Variants in ENPP1 observed in about 807,000 individuals in gnomAD.
ENPP1 encodes the protein ectonucleotide pyrophosphatase/phosphodiesterase 1, also known as ectonucleotide pyrophosphatase/phosphodiesterase family member 1.
ENPP1 carries 73 observed loss-of-function variants against 122.8 expected under a neutral mutation model. The ratio of observed to expected loss-of-function variants is 0.59; its 90% confidence interval spans 0.49 to 0.72. The LOEUF is 0.72. Among genes scored for constraint, ENPP1 ranks in the 30% least tolerant of loss-of-function variants. The probability of loss-of-function intolerance (pLI) is 0.00; values close to 1 mark genes in which losing one functional copy is unlikely to be tolerated. For synonymous variants in ENPP1, 367 were observed against 391.6 expected (o/e 0.94, Z 0.74); for missense variants, 978 against 1,128.1 (o/e 0.87, Z 1.91).
In ENPP1 at chr6:131,836,860, G is replaced by C. The variant is rs1207355042; in HGVS notation, c.241-10916G>C. Among the ~76,000 whole-genome samples, 6 of 152,304 alleles carry C rather than the reference G, an allele frequency of 3.9e-5. No homozygotes were observed. The East Asian group carries it at 1.2e-3, about 29-fold the overall frequency. On this transcript the variant is annotated intron_variant, in intron 1 of 24. Coordinates refer to ENST00000647893, the MANE Select transcript of ENPP1 (RefSeq NM_006208.3). ...GCGGTACTGGCATCCATAGGGCAGAGATTGTTTTTATCCATAGAAGCAGGA... is the reference window on the plus strand; with the variant it reads ...GCGGTACTGGCATCCATAGGGCAGACATTGTTTTTATCCATAGAAGCAGGA...
intron 7 of ENPP1, among the ~76,000 whole-genome samples, chr6:131,859,615 G>A (rs956561854): frequency 3.1e-5 from 1 of 31,868 alleles, no homozygotes; most frequent in African/African-American, 1.4e-4. Flanking sequence ...CGGATGGGGG[G>A]AATGTGGGAA....
chr6:131,882,051 A>AAAT (rs10695402), intron 20 of ENPP1, among the ~76,000 whole-genome samples: 52 of 150,480 alleles, frequency 3.5e-4, no homozygotes, highest in African/African-American at 1.2e-3. Context: ...ATAAATAAAT[A>AAAT]AATAAATATT....
chr6:131,839,431 T>C (rs1462039187), intron 1 of ENPP1, among the ~76,000 whole-genome samples: 1 of 152,126 alleles, frequency 6.6e-6, no homozygotes, highest in Non-Finnish European at 1.5e-5. Flanking sequence ...GCTTTGAGTA[T>C]TCAGGCAGAA....
At chr6:131,821,822 A>G (rs1183214855) in intron 1 of ENPP1, among the ~76,000 whole-genome samples, 1 of 152,238 alleles carries the variant, frequency 6.6e-6, no homozygotes, top group Non-Finnish European at 1.5e-5. Flanking sequence ...AATCAACAGT[A>G]TACTTGACAC....
intron 1 of ENPP1, among the ~76,000 whole-genome samples, chr6:131,832,174 G>GTTTT (rs372663986): frequency 6.9e-6 from 1 of 145,022 alleles, no homozygotes; most frequent in Non-Finnish European, 1.5e-5. Flanking sequence ...CTCTTGACTT[G>GTTTT]TTTTTTTTTT....
intron 6 of ENPP1, 49 bp from the exon 7 acceptor site, chr6:131,858,619 C>G: frequency 8.1e-7 from 1 of 1,238,152 alleles, no homozygotes; most frequent in Non-Finnish European, 1.2e-6. Context: ...ATGAGGTAAG[C>G]CAATTGTCAG....
At chr6:131,810,461 A>ACCCCC (rs1554275395) in intron 1 of ENPP1, among the ~76,000 whole-genome samples, 2 of 119,050 alleles carry the variant, frequency 1.7e-5, no homozygotes, top group African/African-American at 3.0e-5. Flanking sequence ...CCCCCCCCAA[A>ACCCCC]AACTTCCCCA....
intron 1 of ENPP1, among the ~76,000 whole-genome samples, chr6:131,845,646 A>T (rs757593164): frequency 3.3e-5 from 5 of 151,692 alleles, no homozygotes; most frequent in African/African-American, 4.8e-5. Context: ...TTTAGTAGAG[A>T]TGGGGTTTCA....
intron 24 of ENPP1, among the ~76,000 whole-genome samples, chr6:131,887,864 C>CTTT (rs576073873): frequency 9.6e-6 from 1 of 104,706 alleles, no homozygotes; most frequent in African/African-American, 4.0e-5. Flanking sequence ...CGTGCCTGGC[C>CTTT]TTTTTTTTTT....
At chr6:131,887,751 G>A (rs1473387733) in intron 24 of ENPP1, among the ~76,000 whole-genome samples, 32 of 132,418 alleles carry the variant, frequency 2.4e-4, no homozygotes, top group Non-Finnish European at 3.8e-4. Context: ...TTTTTTAGTA[G>A]AGATGGGGTT....
rs529251477 is a variant in ENPP1 at position 131,810,668 on chromosome 6, C to A, written c.240+2393C>A. On this transcript the variant is annotated intron_variant, in intron 1 of 24. Coordinates refer to ENST00000647893, the MANE Select transcript of ENPP1 (RefSeq NM_006208.3). Reference sequence around the variant, plus strand: ...AACCTGGGGTTGGGATTAGGAGAGGCCCAGCACTATGATCCTCAGCTACAC... The same window carrying A: ...AACCTGGGGTTGGGATTAGGAGAGGACCAGCACTATGATCCTCAGCTACAC... 5.9e-5 allele frequency among the ~76,000 whole-genome samples: 9 copies of A among 152,316 alleles called. No homozygotes were observed. In the South Asian group the frequency reaches 1.9e-3, roughly 32 times the overall value.
At position 131,864,509 on chromosome 6, in the gene ENPP1, A is replaced by T. The variant is rs768309867; in HGVS notation, c.1029A>T (p.Ser343=). Reference sequence around the variant, plus strand: ...TTTTGTTTGTTCTTCATTTTAGTTCAGTACCATTTGAAGAAAGGATTTTAG... The same window carrying T: ...TTTTGTTTGTTCTTCATTTTAGTTCTGTACCATTTGAAGAAAGGATTTTAG... The part of the protein sequence containing the change: ...FPDIYKMYNG[S]VPFEERILAV... The change falls in exon 10 of 25, where the codon TCA becomes TCT. Residue 343 remains serine (S), a synonymous_variant. Transcript: ENST00000647893. 9 of 1,601,590 alleles carry T rather than the reference A, an allele frequency of 5.6e-6. No homozygotes were observed. The South Asian group carries it at 9.9e-5, about 18-fold the overall frequency.
At chr6:131,811,364 ATATCTATATC>A (rs1478878384) in intron 1 of ENPP1, among the ~76,000 whole-genome samples, 255 of 144,026 alleles carry the variant, frequency 1.8e-3, no homozygotes, top group Middle Eastern at 0.011. Flanking sequence ...ACATATATCT[ATATCTATATC>A]TATATATCTA....
intron 2 of ENPP1, among the ~76,000 whole-genome samples, chr6:131,848,509 T>C (rs569469376): frequency 6.6e-6 from 1 of 152,302 alleles, no homozygotes; most frequent in Admixed American, 6.5e-5. Flanking sequence ...ATTCTGTGAT[T>C]GTAATATTAA....
chr6:131,869,218 T>TC, intron 12 of ENPP1, 140 bp from the exon 13 acceptor site: 1 of 782,162 alleles, frequency 1.3e-6, no homozygotes. Flanking sequence ...AATTCTGTCT[T>TC]ACCTATCAGA....
chr6:131,862,682 G>A (rs1782039390), intron 9 of ENPP1, among the ~76,000 whole-genome samples: 2 of 152,178 alleles, frequency 1.3e-5, no homozygotes, highest in South Asian at 4.1e-4. Flanking sequence ...AGGCTGGGTG[G>A]TGTCAGCTGA....
At chr6:131,814,852 A>T (rs1404305608) in intron 1 of ENPP1, among the ~76,000 whole-genome samples, 1 of 152,218 alleles carries the variant, frequency 6.6e-6, no homozygotes, top group Non-Finnish European at 1.5e-5. Flanking sequence ...CTAGGAACCC[A>T]AGACTGTTGT....
chr6:131,885,102 C>T, intron 23 of ENPP1, 39 bp downstream of exon 23: 1 of 1,600,602 alleles, frequency 6.2e-7, no homozygotes, highest in South Asian at 1.1e-5. Flanking sequence ...ATAGGAATTA[C>T]CATCCAGTAG....
At chr6:131,831,211 GTTTCTGT>G (rs1453265389) in intron 1 of ENPP1, among the ~76,000 whole-genome samples, 1 of 150,256 alleles carries the variant, frequency 6.7e-6, no homozygotes, top group Non-Finnish European at 1.5e-5. Context: ...ATTCATGCCT[GTTTCTGT>G]TTTCTCTTTT....
Sources: gnomAD v4.1 joint callset for allele counts (sites outside exome capture counted in the v4.1 genomes callset) on GRCh38, gnomAD v4.1.1 for gene constraint, MANE v1.5 for transcripts, NCBI Gene and HGNC (gene_info 2026-07-23, HGNC 2026-07-21) for gene names.